SWT1: variants seen among roughly 807,000 people sequenced by gnomAD.
SWT1 encodes SWT1 RNA endoribonuclease homolog, also known as transcriptional protein SWT1.
Under a neutral mutation model 107.3 loss-of-function variants are expected in SWT1, and 33 were observed. That is an observed-to-expected ratio of 0.31 (90% CI 0.23 to 0.41). The LOEUF is 0.41. SWT1 is among the 10% of genes least tolerant of loss of function. The probability of loss-of-function intolerance (pLI) is 1.00; values close to 1 mark genes in which losing one functional copy is unlikely to be tolerated. For missense variants in SWT1, 898 were observed against 1,028.9 expected, an observed-to-expected ratio of 0.87 and a Z score of 1.74; for synonymous variants, 345 against 348.3, an observed-to-expected ratio of 0.99 and a Z score of 0.11.
chr1:185,182,160 G>T, intron 7 of SWT1, 103 bp downstream of exon 7: 1 of 1,190,758 alleles, frequency 8.4e-7, no homozygotes, highest in Non-Finnish European at 1.2e-6. Flanking sequence ...GTTAAAATGT[G>T]CTCACTTGAA....
chr1:185,201,986 T>C (rs1270515832), intron 10 of SWT1, among the ~76,000 whole-genome samples: 1 of 152,180 alleles, frequency 6.6e-6, no homozygotes, highest in East Asian at 1.9e-4. Flanking sequence ...TCATTCGTAG[T>C]AGGGTTAGTG....
intron 3 of SWT1, among the ~76,000 whole-genome samples, chr1:185,167,795 G>T (rs1237993998): frequency 6.6e-6 from 1 of 151,864 alleles, no homozygotes; most frequent in Non-Finnish European, 1.5e-5. Flanking sequence ...TCTTTTACTC[G>T]TCTTTCAAGC....
chr1:185,251,164 A>G (rs1661988242), intron 16 of SWT1: 1 of 152,222 alleles, frequency 6.6e-6, no homozygotes, highest in South Asian at 2.1e-4. Context: ...TGCAAATATC[A>G]CAGACTCCAA....
intron 5 of SWT1, chr1:185,177,157 C>T (rs1038878635): frequency 9.7e-6 from 5 of 513,632 alleles, no homozygotes; most frequent in Non-Finnish European, 1.3e-5. Flanking sequence ...TTTGTTTTCA[C>T]TGCTTTCTTA....
chr1:185,280,433 T>C (rs1053414826), intron 18 of SWT1, among the ~76,000 whole-genome samples: 2 of 152,168 alleles, frequency 1.3e-5, no homozygotes, highest in African/African-American at 4.8e-5. Context: ...TAGATAGGAC[T>C]TCTGGGATAA....
intron 15 of SWT1, among the ~76,000 whole-genome samples, chr1:185,229,878 A>G (rs564278288): frequency 2.0e-5 from 3 of 152,300 alleles, no homozygotes; most frequent in East Asian, 3.9e-4. Flanking sequence ...TGAATAGGCA[A>G]ATCCATAGAG....
chr1:185,163,688 C>T (rs530388154), intron 2 of SWT1, among the ~76,000 whole-genome samples: 60 of 152,186 alleles, frequency 3.9e-4, no homozygotes, highest in Non-Finnish European at 8.1e-4. Flanking sequence ...GCCACCGCAC[C>T]CAGCCCCCAT....
intron 9 of SWT1, among the ~76,000 whole-genome samples, chr1:185,189,689 A>G (rs369916415): frequency 2.5e-4 from 38 of 152,128 alleles, no homozygotes; most frequent in African/African-American, 8.9e-4. Context: ...TAGCGAACTA[A>G]CCACATTAAA....
At chr1:185,258,516 G>T (rs187976566) in intron 16 of SWT1, among the ~76,000 whole-genome samples, 1 of 152,126 alleles carries the variant, frequency 6.6e-6, no homozygotes, top group African/African-American at 2.4e-5. Flanking sequence ...TTTCAGTGAA[G>T]ATCTTTTAAT....
At chr1:185,284,971 TCACA>T (rs938360126) in intron 18 of SWT1, among the ~76,000 whole-genome samples, 78 of 151,502 alleles carry the variant, frequency 5.1e-4, no homozygotes, top group African/African-American at 1.8e-3. Flanking sequence ...GCAGCCACAC[TCACA>T]CACAGCTGTA....
At chr1:185,270,166 A>G (rs1018991991) in intron 16 of SWT1, among the ~76,000 whole-genome samples, 1 of 152,186 alleles carries the variant, frequency 6.6e-6, no homozygotes, top group African/African-American at 2.4e-5. Flanking sequence ...ATAAGAAGAT[A>G]AATCACATAA....
chr1:185,264,147 T>C (rs1388685291), intron 16 of SWT1: 1 of 162,640 alleles, frequency 6.1e-6, no homozygotes, highest in East Asian at 1.9e-4. Context: ...CAGACTGGGT[T>C]CTCTACTAAT....
chr1:185,180,113 G>C (rs968898970), intron 5 of SWT1, among the ~76,000 whole-genome samples: 1 of 152,196 alleles, frequency 6.6e-6, no homozygotes, highest in African/African-American at 2.4e-5. Context: ...GAGTCCAGGA[G>C]GTTGAGGCTG....
intron 16 of SWT1, among the ~76,000 whole-genome samples, chr1:185,240,713 C>G (rs1661200680): frequency 1.3e-5 from 2 of 151,994 alleles, no homozygotes; most frequent in Admixed American, 6.6e-5. Context: ...GTTTTAATAA[C>G]CTCTGTCACA....
intron 5 of SWT1, 58 bp downstream of exon 5, chr1:185,175,171 A>C: frequency 8.0e-7 from 1 of 1,242,894 alleles, no homozygotes; most frequent in Non-Finnish European, 1.1e-6. Flanking sequence ...TAATATAGTT[A>C]AGTTTTTTCT....
chr1:185,177,990 C>G (rs1281865735), intron 5 of SWT1, among the ~76,000 whole-genome samples: 1 of 152,038 alleles, frequency 6.6e-6, no homozygotes, highest in African/African-American at 2.4e-5. Flanking sequence ...GATTATTAGC[C>G]TCAAGAAGTT....
intron 10 of SWT1, among the ~76,000 whole-genome samples, 177 bp downstream of exon 10, chr1:185,190,819 G>A (rs1558027099): frequency 6.6e-6 from 1 of 152,144 alleles, no homozygotes; most frequent in Non-Finnish European, 1.5e-5. Flanking sequence ...AGAGGAATGA[G>A]ATCTCAACTA....
chr1:185,172,940 A>G (rs575514473), intron 4 of SWT1, among the ~76,000 whole-genome samples: 2 of 148,146 alleles, frequency 1.4e-5, no homozygotes, highest in African/African-American at 5.0e-5. Context: ...GCTACTTGGG[A>G]GGCTGAGGCA....
Position 185,174,555 on chromosome 1 carries a change from A to G in SWT1, c.408A>G (p.Lys136=), listed in dbSNP as rs2102345708. The G allele has an allele frequency of 6.2e-7, 1 of 1,607,436 alleles. No individual in the cohort carries two copies. The highest frequency in any genetic ancestry group is 8.5e-7 in the Non-Finnish European group (1 of 1,178,260). ...KCVDFKPKDI[K]LTNAGSKLDH... is the part of the protein sequence containing the mutation. ...TAGACTTTAAACCTAAAGATATCAA[A>G]TTGACAAATGCTGGGAGCAAGCTTG... The change falls in exon 5 of 19, where the codon AAA becomes AAG. Residue 136 remains lysine, a synonymous_variant. Transcript: ENST00000367500.
Sources: allele counts gnomAD v4.1 joint callset (sites outside exome capture counted in the v4.1 genomes callset), GRCh38; gene constraint gnomAD v4.1.1; transcripts MANE v1.5; gene names NCBI Gene and HGNC (gene_info 2026-07-23, HGNC 2026-07-21).